Variants in GCNT2 observed in about 807,000 individuals in gnomAD.
GCNT2 encodes the protein N-acetyllactosaminide beta-1,6-N-acetylglucosaminyl-transferase.
A neutral mutation model predicts 34.2 loss-of-function variants in GCNT2; 34 were observed. The observed-to-expected ratio is 1.00, with a 90% CI of 0.76 to 1.32. The LOEUF is 1.32. GCNT2 is among the 40% of genes most tolerant of loss of function. GCNT2 has a pLI of 0.00. For synonymous variants in GCNT2, 212 were observed against 188.0 expected, an observed-to-expected ratio of 1.13 and a Z score of -1.04; for missense variants, 584 against 489.4, an observed-to-expected ratio of 1.19 and a Z score of -1.82.
At chr6:10,596,250 G>T (rs892398453) in intron 3 of GCNT2, among the ~76,000 whole-genome samples, 14 of 152,160 alleles carry the variant, frequency 9.2e-5, no homozygotes, top group African/African-American at 3.4e-4. Context: ...TCAGCTGGGT[G>T]CAGTGACTCA....
chr6:10,609,824 G>T (rs1202163121), intron 3 of GCNT2, among the ~76,000 whole-genome samples: 5 of 152,200 alleles, frequency 3.3e-5, no homozygotes, highest in African/African-American at 1.2e-4. Context: ...GAAGTGAGGA[G>T]TTGGAATTCT....
chr6:10,580,780 A>G (rs1554133354), intron 3 of GCNT2, among the ~76,000 whole-genome samples: 1 of 152,186 alleles, frequency 6.6e-6, no homozygotes, highest in Non-Finnish European at 1.5e-5. Context: ...CTCGTGGAAG[A>G]TTAATGAGAA....
At chr6:10,532,989 G>A (rs1018007428) in intron 3 of GCNT2, among the ~76,000 whole-genome samples, 3 of 150,514 alleles carry the variant, frequency 2.0e-5, no homozygotes, top group Non-Finnish European at 4.4e-5. Flanking sequence ...CATGATTGAG[G>A]GATTATGATT....
rs1346610511 is a variant in GCNT2, at chr6:10,529,580, C to A, written c.669C>A (p.Asp223Glu). 1 of 1,614,140 alleles carries A rather than the reference C, an allele frequency of 6.2e-7. No individual in the cohort carries two copies. The highest frequency in any genetic ancestry group is 8.5e-7 in the Non-Finnish European group (1 of 1,179,978). Residue 223 changes from aspartate to glutamate, a missense_variant, in exon 3 of 5, where the codon GAC (aspartate) becomes GAA (glutamate). Coordinates refer to ENST00000495262, the MANE Select transcript of GCNT2 (RefSeq NM_145649.5). ...KNITPGVLPPDHAVGRTKYVH... is the reference protein window; with the variant it reads ...KNITPGVLPPEHAVGRTKYVH... ...TCACCCCCGGAGTGCTGCCTCCTGA[C>A]CACGCTGTTGGACGGACTAAATACG...
intron 3 of GCNT2, among the ~76,000 whole-genome samples, chr6:10,565,256 G>T (rs1324190028): frequency 6.6e-6 from 1 of 152,240 alleles, no homozygotes; most frequent in Admixed American, 6.5e-5. Flanking sequence ...GAGAAAAACA[G>T]ATCTGACAGT....
At chr6:10,557,175 C>CT in intron 3 of GCNT2, 1 of 1,549,756 alleles carries the variant, frequency 6.5e-7, no homozygotes, top group Non-Finnish European at 8.7e-7. Context: ...TTGAAACCGC[C>CT]TCCCCCCCAT....
intron 3 of GCNT2, among the ~76,000 whole-genome samples, chr6:10,582,295 C>A (rs1210255992): frequency 9.3e-6 from 1 of 107,674 alleles, no homozygotes; most frequent in African/African-American, 4.2e-5. Flanking sequence ...TATAATATTA[C>A]TATATATTTA....
rs1374926944 is a variant in GCNT2, at chr6:10,529,584, G to A, written c.673G>A (p.Ala225Thr). 5.6e-6 allele frequency: 9 copies of A among 1,613,938 alleles called. No homozygotes were observed. The highest frequency in any genetic ancestry group is 1.7e-5 in the Admixed American group (1 of 59,992). ...CCCCGGAGTGCTGCCTCCTGACCAC[G>A]CTGTTGGACGGACTAAATACGTCCA... ...ITPGVLPPDHAVGRTKYVHQE... is the reference protein window; with the variant it reads ...ITPGVLPPDHTVGRTKYVHQE... The change falls in exon 3 of 5, where the codon GCT becomes ACT. Residue 225 changes from alanine to threonine, a missense_variant. Physicochemically the swap from Ala to Thr is moderately conservative, Grantham distance 58. Coordinates refer to ENST00000495262, the MANE Select transcript of GCNT2 (RefSeq NM_145649.5).
rs1251448122 is a variant in GCNT2 at position 10,572,155 on chromosome 6, C to T, written c.925+42319C>T. On this transcript the variant is annotated intron_variant, in intron 3 of 4. Coordinates refer to ENST00000495262, the MANE Select transcript of GCNT2 (RefSeq NM_145649.5). ...TGGTCACCCTGAGCACCTCCCACCC[C>T]ATTCCTGCTCACCTTTCCATGTCAG... 5.3e-5 allele frequency among the ~76,000 whole-genome samples: 8 copies of T among 152,290 alleles called. No individual in the cohort carries two copies. The East Asian group carries it at 1.5e-3, about 29-fold the overall frequency.
intron 1 of GCNT2, among the ~76,000 whole-genome samples, chr6:10,522,627 G>C (rs1406478728): frequency 1.3e-5 from 2 of 152,158 alleles, no homozygotes; most frequent in Non-Finnish European, 2.9e-5. Flanking sequence ...ATCGGAAGAA[G>C]GGAGGCTATA....
chr6:10,541,054 A>T (rs1762016558), intron 3 of GCNT2, among the ~76,000 whole-genome samples: 1 of 152,138 alleles, frequency 6.6e-6, no homozygotes, highest in Admixed American at 6.5e-5. Context: ...CAGGATGTGC[A>T]GGTTTGTTAC....
In GCNT2 at chr6:10,529,365, C is replaced by T; in HGVS notation, c.454C>T (p.Leu152=). 2.5e-6 allele frequency: 4 copies of T among 1,614,106 alleles called. No homozygotes were observed. The highest frequency in any genetic ancestry group is 3.4e-6 in the Non-Finnish European group (4 of 1,180,014). The change falls in exon 3 of 5, where the codon CTG becomes TTG. Residue 152 remains leucine, a synonymous_variant. Coordinates refer to ENST00000495262, the MANE Select transcript of GCNT2 (RefSeq NM_145649.5). ...QLLSCFPNAF[L]ASKKESVVYG... ...ACTCAGCTGCTTCCCAAATGCTTTT[C>T]TGGCTTCCAAGAAGGAGTCGGTTGT...
At chr6:10,524,055 CTAAG>C (rs1029179014) in intron 1 of GCNT2, among the ~76,000 whole-genome samples, 28 of 151,384 alleles carry the variant, frequency 1.8e-4, no homozygotes, top group African/African-American at 3.4e-4. Flanking sequence ...GTTGGAGGCT[CTAAG>C]TAACAGCAGA....
In GCNT2 at chr6:10,529,296, G is replaced by C; in HGVS notation, c.385G>C (p.Asp129His). Residue 129 changes from aspartate to histidine, a missense_variant, in exon 3 of 5, where the codon GAT (aspartate) becomes CAT (histidine). Coordinates refer to ENST00000495262, the MANE Select transcript of GCNT2 (RefSeq NM_145649.5). The stretch of plus-strand genomic sequence containing the variant: ...CCAAAATGTCTACTGTGTGCACCTG[G>C]ATCAGAAGGCGACGGATGCCTTTAA... ...MPQNVYCVHL[D>H]QKATDAFKGA... 5 of 1,614,180 alleles carry C rather than the reference G, an allele frequency of 3.1e-6. No individual in the cohort carries two copies. Among genetic ancestry groups the C allele is most frequent in the Non-Finnish European group, 4.2e-6 (5 of 1,180,036 alleles).
At chr6:10,530,724 A>AAAAC (rs372193785) in intron 3 of GCNT2, among the ~76,000 whole-genome samples, 13 of 151,942 alleles carry the variant, frequency 8.6e-5, no homozygotes, top group African/African-American at 2.4e-4. Context: ...TCAAGAAGTT[A>AAAAC]AAACAAACAA....
At chr6:10,592,639 T>G (rs1183795956) in intron 3 of GCNT2, among the ~76,000 whole-genome samples, 1 of 152,230 alleles carries the variant, frequency 6.6e-6, no homozygotes, top group Non-Finnish European at 1.5e-5. Flanking sequence ...ATCTCCTTCA[T>G]TGGAGAATCT....
At chr6:10,553,628 T>C (rs1762569797) in intron 3 of GCNT2, among the ~76,000 whole-genome samples, 3 of 152,164 alleles carry the variant, frequency 2.0e-5, no homozygotes, top group Admixed American at 2.0e-4. Flanking sequence ...GCGTGGTGGC[T>C]CACGCCTGTA....
intron 3 of GCNT2, among the ~76,000 whole-genome samples, chr6:10,541,344 C>T (rs1762029913): frequency 6.6e-6 from 1 of 152,166 alleles, no homozygotes; most frequent in Non-Finnish European, 1.5e-5. Flanking sequence ...GACATGATCT[C>T]GTTCCTTTTT....
intron 3 of GCNT2, chr6:10,585,833 G>A (rs898167643): frequency 4.1e-6 from 6 of 1,468,542 alleles, no homozygotes; most frequent in Non-Finnish European, 5.4e-6. Flanking sequence ...CACCGAAGCA[G>A]AGGATACAGG....
Sources: allele counts gnomAD v4.1 joint callset (sites outside exome capture counted in the v4.1 genomes callset), GRCh38; gene constraint gnomAD v4.1.1; transcripts MANE v1.5; gene names NCBI Gene and HGNC (gene_info 2026-07-23, HGNC 2026-07-21).